TRPC7: variants seen among roughly 807,000 people sequenced by gnomAD.
TRPC7 encodes transient receptor potential cation channel subfamily C member 7, also known as short transient receptor potential channel 7.
TRPC7 carries 42 observed loss-of-function variants against 90.1 expected under a neutral mutation model. That is an observed-to-expected ratio of 0.47 (90% CI 0.36 to 0.60). The LOEUF (loss-of-function observed/expected upper bound fraction) is 0.60, where lower values mean the gene tolerates loss of function less well. TRPC7 is among the 20% of genes least tolerant of loss of function. The pLI, the probability that TRPC7 is intolerant of heterozygous loss-of-function variation, is 0.00. For missense variants in TRPC7, 955 were observed against 1,112.3 expected (o/e 0.86, Z 2.01); for synonymous variants, 451 against 436.3 (o/e 1.03, Z -0.42).
chr5:136,300,576 T>G (rs1020600642), intron 3 of TRPC7, among the ~76,000 whole-genome samples: 3 of 152,196 alleles, frequency 2.0e-5, no homozygotes, highest in African/African-American at 7.2e-5. Flanking sequence ...TCTAACAGTG[T>G]TTGGCAACTA....
At chr5:136,323,240 G>A (rs1044141186) in intron 2 of TRPC7, among the ~76,000 whole-genome samples, 1 of 152,174 alleles carries the variant, frequency 6.6e-6, no homozygotes, top group Admixed American at 6.5e-5. Flanking sequence ...CATGATTGGG[G>A]CCTCCCCAGC....
At chr5:136,268,455 C>T (rs959353815) in intron 4 of TRPC7, among the ~76,000 whole-genome samples, 2 of 152,132 alleles carry the variant, frequency 1.3e-5, no homozygotes, top group Admixed American at 1.3e-4. Flanking sequence ...CCATTTTCCC[C>T]ATCCTTTATC....
At chr5:136,260,023 A>G (rs966521073) in intron 5 of TRPC7, among the ~76,000 whole-genome samples, 2 of 152,232 alleles carry the variant, frequency 1.3e-5, no homozygotes, top group Non-Finnish European at 2.9e-5. Flanking sequence ...ATGTGGAGGA[A>G]AGGAAGAAGG....
At chr5:136,260,637 TA>T in intron 5 of TRPC7, among the ~76,000 whole-genome samples, 1 of 152,222 alleles carries the variant, frequency 6.6e-6, no homozygotes, top group Admixed American at 6.5e-5. Flanking sequence ...TAGGCCACTA[TA>T]ATGACACTGG....
rs148197707 is a variant in TRPC7, at chr5:136,249,315, G to C, written c.1580-1580C>G. Among the ~76,000 whole-genome samples the C allele has an allele frequency of 3.7e-3, 567 of 152,256 alleles. 3 individuals carry two copies. The highest frequency in any genetic ancestry group is 4.0e-3 in the Non-Finnish European group (270 of 67,988). ...AAGAAACCTTTAGTAAAGGAAGCCA[G>C]GCCACAAAGTTTCATGGAGTGATTC... On this transcript the variant is annotated intron_variant, in intron 6 of 11. Transcript: ENST00000513104.
chr5:136,352,943 A>G (rs11960060), intron 2 of TRPC7, among the ~76,000 whole-genome samples: 2,858 of 152,336 alleles, frequency 0.019, 42 homozygotes, highest in Non-Finnish European at 0.029. Context: ...AGTTTAAACC[A>G]TAAAGAAAAG....
intron 3 of TRPC7, among the ~76,000 whole-genome samples, chr5:136,287,773 C>T (rs1757781198): frequency 7.2e-6 from 1 of 138,506 alleles, no homozygotes; most frequent in Non-Finnish European, 1.5e-5. Context: ...GATGGAGCCA[C>T]AGCTTAGGAC....
intron 3 of TRPC7, among the ~76,000 whole-genome samples, chr5:136,304,491 G>A (rs983196882): frequency 6.6e-5 from 10 of 152,024 alleles, no homozygotes; most frequent in African/African-American, 2.4e-4. Flanking sequence ...CCACCCCGTG[G>A]TGCCAAACCC....
In TRPC7 at chr5:136,299,342, T is replaced by C. The variant is rs1167937526; in HGVS notation, c.963+16255A>G. Among the ~76,000 whole-genome samples the C allele has an allele frequency of 3.4e-4, 18 of 53,150 alleles. 1 individual carries two copies. The East Asian group carries it at 6.4e-3, about 19-fold the overall frequency. 34.9% of individuals were successfully genotyped at this position (53,150 alleles called of 152,430 possible). ...AATTTCTCTGACTGGGGTGTGTGCGTGTGTGTGTGTGTGTGTGTGTGTGTG... is the reference window on the plus strand; with the variant it reads ...AATTTCTCTGACTGGGGTGTGTGCGCGTGTGTGTGTGTGTGTGTGTGTGTG... On this transcript the variant is annotated intron_variant, in intron 3 of 11. Coordinates refer to ENST00000513104, the MANE Select transcript of TRPC7 (RefSeq NM_020389.3).
At chr5:136,295,209 A>G (rs1758122950) in intron 3 of TRPC7, among the ~76,000 whole-genome samples, 1 of 152,170 alleles carries the variant, frequency 6.6e-6, no homozygotes, top group Non-Finnish European at 1.5e-5. Context: ...TAATGGGTGC[A>G]GCACACCAAC....
In TRPC7 at chr5:136,356,742, G is replaced by C. The variant is rs1760391248; in HGVS notation, c.646C>G (p.Arg216Gly). Residue 216 changes from arginine to glycine, a missense_variant, in exon 2 of 12, where the codon CGC becomes GGC. By Grantham distance (125) the Arg-to-Gly change is moderately radical. Transcript: ENST00000513104. ...CCTTTGTAGGCGTTCATGCGCGAGC[G>C]CGAGTGGCTGAAGGAGTCTTTCCGC... Reference protein sequence around the residue: ...KQRKDSFSHSRSRMNAYKGLA... With the variant: ...KQRKDSFSHSGSRMNAYKGLA... The C allele has an allele frequency of 2.5e-6, 4 of 1,612,446 alleles. No individual in the cohort carries two copies. The highest frequency in any genetic ancestry group is 3.4e-6 in the Non-Finnish European group (4 of 1,179,024).
intron 10 of TRPC7, among the ~76,000 whole-genome samples, chr5:136,216,549 GAC>G (rs1175695183): frequency 6.6e-6 from 1 of 152,214 alleles, no homozygotes; most frequent in Non-Finnish European, 1.5e-5. Context: ...CAGAGAGAGA[GAC>G]AGAGAGAAAG....
chr5:136,237,953 C>G (rs1223137272), intron 7 of TRPC7, among the ~76,000 whole-genome samples: 1 of 152,196 alleles, frequency 6.6e-6, no homozygotes, highest in Non-Finnish European at 1.5e-5. Context: ...CATCATCACC[C>G]AGCGCAGGCC....
At chr5:136,232,256 C>T in intron 7 of TRPC7, among the ~76,000 whole-genome samples, 1 of 152,196 alleles carries the variant, frequency 6.6e-6, no homozygotes, top group East Asian at 1.9e-4. Context: ...GACTCCACAG[C>T]CCACGTGAAG....
chr5:136,290,963 C>A (rs1265028655), intron 3 of TRPC7, among the ~76,000 whole-genome samples: 1 of 152,160 alleles, frequency 6.6e-6, no homozygotes, highest in Non-Finnish European at 1.5e-5. Flanking sequence ...CTCTGCAAGC[C>A]AGAAGAGAAT....
intron 3 of TRPC7, among the ~76,000 whole-genome samples, chr5:136,295,231 A>G (rs1233480587): frequency 1.3e-5 from 2 of 152,196 alleles, no homozygotes; most frequent in Non-Finnish European, 2.9e-5. Flanking sequence ...TGGCACATGT[A>G]TACATATGTA....
Position 136,357,171 on chromosome 5 carries a change from A to G in TRPC7, c.217T>C (p.Cys73Arg). Residue 73 changes from cysteine to arginine, a missense_variant, in exon 2 of 12, where the codon TGT becomes CGT. Physicochemically the swap from Cys to Arg is radical, Grantham distance 180. Transcript: ENST00000513104. ...LEESKTLNFN[C>R]VDYMGQNALQ... ...GCGTTCTGCCCCATGTAGTCCACACAGTTGAAGTTAAGGGTCTTGGACTCC... is the reference window on the plus strand; with the variant it reads ...GCGTTCTGCCCCATGTAGTCCACACGGTTGAAGTTAAGGGTCTTGGACTCC... The G allele has an allele frequency of 6.2e-7, 1 of 1,613,946 alleles. No homozygotes were observed. The highest frequency in any genetic ancestry group is 8.5e-7 in the Non-Finnish European group (1 of 1,179,942).
At chr5:136,218,362 G>A (rs775142893) in intron 10 of TRPC7, among the ~76,000 whole-genome samples, 4 of 151,460 alleles carry the variant, frequency 2.6e-5, no homozygotes, top group Middle Eastern at 3.2e-3. Context: ...TGTCATTCTT[G>A]CTGAATAAGA....
At chr5:136,301,982 G>A (rs1043784549) in intron 3 of TRPC7, among the ~76,000 whole-genome samples, 1 of 152,164 alleles carries the variant, frequency 6.6e-6, no homozygotes, top group South Asian at 2.1e-4. Context: ...TTCAAATCCA[G>A]TAAGCGGCCT....
Sources: gnomAD v4.1 joint callset for allele counts (sites outside exome capture counted in the v4.1 genomes callset) on GRCh38, gnomAD v4.1.1 for gene constraint, MANE v1.5 for transcripts, NCBI Gene and HGNC (gene_info 2026-07-23, HGNC 2026-07-21) for gene names.